Variants in BIN1 observed in about 807,000 individuals in gnomAD.
BIN1 encodes the protein myc box-dependent-interacting protein 1.
In BIN1, 53 loss-of-function variants were observed where a neutral mutation model predicts 82.0. The ratio of observed to expected loss-of-function variants is 0.65; its 90% CI spans 0.52 to 0.81. The LOEUF (loss-of-function observed/expected upper bound fraction) is 0.81, where lower values mean the gene tolerates loss of function less well. Among genes scored for constraint, BIN1 ranks in the 40% least tolerant of loss-of-function variants. BIN1 has a pLI of 0.00. For synonymous variants in BIN1, 302 were observed against 328.0 expected, an observed-to-expected ratio of 0.92 and a Z score of 0.86; for missense variants, 642 against 784.4, an observed-to-expected ratio of 0.82 and a Z score of 2.17.
At chr2:127,105,245 G>C (rs770060774) in intron 1 of BIN1, among the ~76,000 whole-genome samples, 11 of 152,152 alleles carry the variant, frequency 7.2e-5, no homozygotes, top group East Asian at 1.9e-4. Flanking sequence ...CAGTGGGAAG[G>C]GGGCAGGGAA....
intron 3 of BIN1, 29 bp downstream of exon 3, chr2:127,070,733 G>C (rs202052327): frequency 3.1e-6 from 5 of 1,613,954 alleles, no homozygotes; most frequent in South Asian, 1.1e-5. Context: ...AGCTCTACAC[G>C]GGCCAGGTGC....
chr2:127,068,364 G>A lies in BIN1; in HGVS notation c.520-109C>T. The A allele has an allele frequency of 2.4e-6, 2 of 820,248 alleles. No homozygotes were observed. The highest frequency in any genetic ancestry group is 1.7e-5 in the African/African-American group (1 of 59,134). 50.8% of individuals were successfully genotyped at this position (820,248 alleles called of 1,614,324 possible). ...AGGTCCACACGCCCCACGCGCGGGGGCCACCCCAAGCAGATATGGGCCCTT... is the reference window on the plus strand; with the variant it reads ...AGGTCCACACGCCCCACGCGCGGGGACCACCCCAAGCAGATATGGGCCCTT... On this transcript the variant is annotated intron_variant, in intron 6 of 18. Coordinates refer to ENST00000316724, the MANE Select transcript of BIN1 (RefSeq NM_139343.3). The surrounding 1 kb of genome is among the most constrained non-coding windows in gnomAD (Gnocchi z 4.9).
intron 1 of BIN1, among the ~76,000 whole-genome samples, chr2:127,077,818 C>T (rs892807443): frequency 2.0e-5 from 3 of 152,160 alleles, no homozygotes; most frequent in African/African-American, 4.8e-5. Context: ...TCCATCAGGG[C>T]GGCAGAAAGG....
chr2:127,068,201 C>A lies in BIN1; in HGVS notation c.574G>T (p.Ala192Ser), dbSNP rs1360908041. The A allele has an allele frequency of 1.2e-6, 2 of 1,613,650 alleles. No individual in the cohort carries two copies. Among genetic ancestry groups the A allele is most frequent in the Non-Finnish European group, 8.5e-7 (1 of 1,179,982 alleles). The part of the protein sequence containing the change: ...APQWCQGKLQ[A>S]HLVAQTNLLR... ...AGGTTAGTTTGAGCTACGAGATGAGCCTGCAGTTTGCCTTGGCACCACTGG... is the reference window on the plus strand; with the variant it reads ...AGGTTAGTTTGAGCTACGAGATGAGACTGCAGTTTGCCTTGGCACCACTGG... Residue 192 changes from alanine to serine, a missense_variant, in exon 7 of 19, where the codon GCT (alanine) becomes TCT (serine). Physicochemically the swap from Ala to Ser is moderately conservative, Grantham distance 99. Coordinates refer to ENST00000316724, the MANE Select transcript of BIN1 (RefSeq NM_139343.3). This position sits in a 1 kb window ranked among gnomAD's most constrained non-coding sequence, Gnocchi z 4.9.
At chr2:127,088,458 G>A (rs1678470338) in intron 1 of BIN1, among the ~76,000 whole-genome samples, 1 of 152,174 alleles carries the variant, frequency 6.6e-6, no homozygotes, top group South Asian at 2.1e-4. Flanking sequence ...GCAGGGGGAC[G>A]GGTGCGGTGG....
chr2:127,062,190 T>C lies in BIN1; in HGVS notation c.782A>G (p.Gln261Arg), dbSNP rs751638145. The C allele has an allele frequency of 1.2e-6, 2 of 1,606,442 alleles. No homozygotes were observed. The highest frequency in any genetic ancestry group is 2.2e-5 in the South Asian group (2 of 89,466). The change falls in exon 10 of 19, where the codon CAG becomes CGG. Residue 261 changes from glutamine (Q) to arginine (R), a missense_variant. By Grantham distance (43) the Gln-to-Arg change is conservative. Coordinates refer to ENST00000316724, the MANE Select transcript of BIN1 (RefSeq NM_139343.3). Reference protein sequence around the residue: ...NFHKEMSKLNQNLNDVLVGLE... With the variant: ...NFHKEMSKLNRNLNDVLVGLE... ...GCCGACCAGCACATCATTGAGGTTC[T>C]GGTTGAGCTGCAGGAGAGACAGTGA...
In BIN1 at chr2:127,093,232, C is replaced by G. The variant is rs2105291455; in HGVS notation, c.84+13628G>C. Among the ~76,000 whole-genome samples the G allele has an allele frequency of 6.6e-6, 1 of 152,308 alleles. No individual in the cohort carries two copies. Among genetic ancestry groups the G allele is most frequent in the East Asian group, 1.9e-4 (1 of 5,176 alleles). On this transcript the variant is annotated intron_variant, in intron 1 of 18. Transcript: ENST00000316724. This position sits in a 1 kb window ranked among gnomAD's most constrained non-coding sequence, Gnocchi z 5.7. ...GTGTGGTGCTGTGGCTCACTGCAGA[C>G]TCTGAACAAAGGGCATGTGAAAGGC...
intron 1 of BIN1, among the ~76,000 whole-genome samples, chr2:127,095,887 C>T (rs1033184291): frequency 1.3e-5 from 2 of 152,176 alleles, no homozygotes; most frequent in Admixed American, 6.5e-5. Context: ...CAGACCCAGC[C>T]GGACCCAGCA....
intron 1 of BIN1, among the ~76,000 whole-genome samples, chr2:127,094,927 A>G (rs538303457): frequency 2.7e-4 from 41 of 152,250 alleles, no homozygotes; most frequent in Admixed American, 3.9e-4. Context: ...CCCCTCAACC[A>G]TGGGGCCTCC....
rs571931007 is a variant in BIN1, at chr2:127,084,366, G to A, written c.85-7660C>T. ...GGATATCGTGAGTCCTTCGTTTTGCGTTCGTGATTCATTTTGATGCTCAAA... is the reference window on the plus strand; with the variant it reads ...GGATATCGTGAGTCCTTCGTTTTGCATTCGTGATTCATTTTGATGCTCAAA... On this transcript the variant is annotated intron_variant, in intron 1 of 18. Coordinates refer to ENST00000316724, the MANE Select transcript of BIN1 (RefSeq NM_139343.3). Among the ~76,000 whole-genome samples, 23 of 152,326 alleles carry A rather than the reference G, an allele frequency of 1.5e-4. No individual in the cohort carries two copies. The South Asian group carries it at 1.7e-3, about 11-fold the overall frequency.
chr2:127,060,538 C>A, intron 10 of BIN1: 3 of 1,611,724 alleles, frequency 1.9e-6, no homozygotes, highest in Non-Finnish European at 1.7e-6. Context: ...AAGGCGCATG[C>A]ACAGGGCCAG....
chr2:127,103,577 T>C (rs541516178), intron 1 of BIN1, among the ~76,000 whole-genome samples: 9 of 152,268 alleles, frequency 5.9e-5, no homozygotes, highest in African/African-American at 1.9e-4. Context: ...GTGCTCACTG[T>C]CAGCCCAGCG....
At position 127,093,984 on chromosome 2, in the gene BIN1, C is replaced by G. The variant is rs1447123622; in HGVS notation, c.84+12876G>C. Among the ~76,000 whole-genome samples the G allele has an allele frequency of 6.6e-6, 1 of 152,172 alleles. No homozygotes were observed. Among genetic ancestry groups the G allele is most frequent in the Non-Finnish European group, 1.5e-5 (1 of 68,026 alleles). ...CGGAGGGCATGGGTGCAGCTAGACA[C>G]CCCCCACTGGCCTAAGGCCCTGCTC... On this transcript the variant is annotated intron_variant, in intron 1 of 18. Transcript: ENST00000316724. This position sits in a 1 kb window ranked among gnomAD's most constrained non-coding sequence, Gnocchi z 5.7.
chr2:127,082,857 C>T lies in BIN1; in HGVS notation c.85-6151G>A, dbSNP rs1485599211. Among the ~76,000 whole-genome samples, 1 of 148,734 alleles carries T rather than the reference C, an allele frequency of 6.7e-6. No homozygotes were observed. The highest frequency in any genetic ancestry group is 1.5e-5 in the Non-Finnish European group (1 of 66,812). On this transcript the variant is annotated intron_variant, in intron 1 of 18. Coordinates refer to ENST00000316724, the MANE Select transcript of BIN1 (RefSeq NM_139343.3). The surrounding 1 kb of genome is among the most constrained non-coding windows in gnomAD (Gnocchi z 6.1). Reference sequence around the variant, plus strand: ...TCGGTGGCCTCCAACAATCTAGGTGCCATGCAGGAGGCCACAGCAGCCCTG... The same window carrying T: ...TCGGTGGCCTCCAACAATCTAGGTGTCATGCAGGAGGCCACAGCAGCCCTG...
At chr2:127,062,086 A>G (rs1684570126) in intron 10 of BIN1, 29 bp downstream of exon 10, 1 of 1,579,414 alleles carries the variant, frequency 6.3e-7, no homozygotes, top group Non-Finnish European at 8.6e-7. Flanking sequence ...GCACACAGTC[A>G]GGGGCGCCAG....
chr2:127,106,849 G>T lies in BIN1; in HGVS notation c.84+11C>A. ...GGGACTCCGCGGCTGCTGGGGCTCCGGCTCGCTCACCTTCTCCTGCGCGCG... is the reference window on the plus strand; with the variant it reads ...GGGACTCCGCGGCTGCTGGGGCTCCTGCTCGCTCACCTTCTCCTGCGCGCG... On this transcript the variant is annotated intron_variant, in intron 1 of 18. Coordinates refer to ENST00000316724, the MANE Select transcript of BIN1 (RefSeq NM_139343.3). The T allele has an allele frequency of 1.9e-6, 3 of 1,595,832 alleles. No homozygotes were observed. The highest frequency in any genetic ancestry group is 2.6e-6 in the Non-Finnish European group (3 of 1,173,224).
rs1490772170 is a variant in BIN1 at position 127,059,126 on chromosome 2, C to T, written c.887G>A (p.Ser296Asn). 3.8e-6 allele frequency: 6 copies of T among 1,588,454 alleles called. No homozygotes were observed. Among genetic ancestry groups the T allele is most frequent in the Non-Finnish European group, 5.1e-6 (6 of 1,168,234 alleles). ...AGGGGAGCCATCTGGAGGCGAAGGG[C>T]TCTTGTTCCCTTTTGCAGGCGCGTT... ...SDNAPAKGNK[S>N]PSPPDGSPAA... Residue 296 changes from serine (S) to asparagine (N), a missense_variant, in exon 11 of 19, where the codon AGC (serine) becomes AAC (asparagine). Physicochemically the swap from Ser to Asn is conservative, Grantham distance 46. Coordinates refer to ENST00000316724, the MANE Select transcript of BIN1 (RefSeq NM_139343.3). The surrounding 1 kb of genome is among the most constrained non-coding windows in gnomAD (Gnocchi z 6.7).
rs1172087947 is a variant in BIN1 at position 127,048,213 on chromosome 2, G to A, written c.*313C>T. ...GTGGCGCGGCCGAAGCTTCAGGCAA[G>A]CATGGTGGCTCGGCAGCCCCCAGCC... On this transcript the variant is annotated 3_prime_UTR_variant, in exon 19 of 19. Transcript: ENST00000316724. 7 of 414,464 alleles carry A rather than the reference G, an allele frequency of 1.7e-5. No individual in the cohort carries two copies. The allele number at this position is 414,464 out of a possible 1,614,324, so 25.7% of individuals were successfully genotyped here.
At chr2:127,105,504 T>TCCTCCTCCTCCTCCTCCTCCTCCTC (rs1558897127) in intron 1 of BIN1, among the ~76,000 whole-genome samples, 1 of 117,082 alleles carries the variant, frequency 8.5e-6, no homozygotes, top group Non-Finnish European at 1.8e-5. Flanking sequence ...TCCTCCTCCT[T>TCCTCCTCCTCCTCCTCCTCCTCCTC]CCCTGGGGTG....
Sources: gnomAD v4.1 joint callset for allele counts (sites outside exome capture counted in the v4.1 genomes callset) on GRCh38, gnomAD v4.1.1 for gene constraint, Gnocchi (gnomAD v3.1) non-coding constraint, MANE v1.5 for transcripts, NCBI Gene and HGNC (gene_info 2026-07-23, HGNC 2026-07-21) for gene names.